SAMM50: variants seen among roughly 807,000 people sequenced by gnomAD.
SAMM50 encodes the protein sorting and assembly machinery component 50 homolog.
SAMM50 carries 47 observed loss-of-function variants against 66.9 expected under a neutral mutation model. That is an observed-to-expected ratio of 0.70 (90% CI 0.56 to 0.90). SAMM50 has a LOEUF of 0.90. SAMM50 is among the 40% of genes least tolerant of loss of function. The pLI, the probability that SAMM50 is intolerant of heterozygous loss-of-function variation, is 0.00. For synonymous variants in SAMM50, 191 were observed against 214.1 expected (o/e 0.89, Z 0.94); for missense variants, 535 against 595.3 (o/e 0.90, Z 1.05).
chr22:43,994,601 G>A (rs2050343040), intron 14 of SAMM50, among the ~76,000 whole-genome samples: 1 of 152,164 alleles, frequency 6.6e-6, no homozygotes, highest in Non-Finnish European at 1.5e-5. Flanking sequence ...AAGACCCTGT[G>A]CCGGCAGTGG....
intron 3 of SAMM50, among the ~76,000 whole-genome samples, chr22:43,966,061 G>A (rs869179830): frequency 6.6e-6 from 1 of 152,120 alleles, no homozygotes; most frequent in Non-Finnish European, 1.5e-5. Context: ...GGCTGATCTG[G>A]AACTCCTGGC....
intron 13 of SAMM50, among the ~76,000 whole-genome samples, chr22:43,989,927 C>T (rs983469933): frequency 1.3e-5 from 2 of 152,168 alleles, no homozygotes; most frequent in Non-Finnish European, 2.9e-5. Context: ...GCCTGGAAAG[C>T]TTCCTAGAAG....
rs1304706209 is a variant in SAMM50, at chr22:43,968,953, G to C, written c.322+135G>C. On this transcript the variant is annotated intron_variant, in intron 4 of 14. Transcript: ENST00000350028. ...TAGAACCTGAAAGTTGATCAAACAG[G>C]TAGTCCTTGAGTTAGCAGTCTCAGG... The C allele has an allele frequency of 9.6e-6, 6 of 626,310 alleles. No homozygotes were observed. The East Asian group carries it at 1.6e-4, about 17-fold the overall frequency. 38.8% of individuals were successfully genotyped at this position (626,310 alleles called of 1,614,324 possible). A position where few individuals can be genotyped will look rare whatever the true frequency, so the allele number is the denominator to read the frequency against.
At chr22:43,975,445 A>G (rs550634385) in intron 7 of SAMM50, 1 of 152,724 alleles carries the variant, frequency 6.5e-6, no homozygotes, top group African/African-American at 2.4e-5. Flanking sequence ...CACTGTTCAG[A>G]AAACATTTCT....
intron 10 of SAMM50, 86 bp downstream of exon 10, chr22:43,978,044 A>C: frequency 1.1e-6 from 1 of 889,032 alleles, no homozygotes; most frequent in Non-Finnish European, 1.8e-6. Context: ...TGAATATCTA[A>C]AGCACAGAGT....
At chr22:43,957,241 C>T (rs538005011) in intron 1 of SAMM50, 3 of 662,576 alleles carry the variant, frequency 4.5e-6, no homozygotes, top group South Asian at 1.8e-5. Flanking sequence ...AAAGGTAACT[C>T]GGGCCCACAG....
At chr22:43,982,071 C>T (rs1023415493) in intron 11 of SAMM50, among the ~76,000 whole-genome samples, 15 of 152,252 alleles carry the variant, frequency 9.9e-5, no homozygotes, top group East Asian at 1.9e-4. Flanking sequence ...CTTGTTGCTT[C>T]GAAATACTAA....
At chr22:43,984,633 A>G (rs1333229635) in intron 12 of SAMM50, among the ~76,000 whole-genome samples, 1 of 139,782 alleles carries the variant, frequency 7.2e-6, no homozygotes, top group Non-Finnish European at 1.5e-5. Context: ...TATTAATATT[A>G]TCATTATTAT....
At chr22:43,995,378 C>A (rs2050347542) in intron 14 of SAMM50, 1 of 152,220 alleles carries the variant, frequency 6.6e-6, no homozygotes. Context: ...AATAAAGGAG[C>A]CATTCTTGCT....
intron 13 of SAMM50, 95 bp downstream of exon 13, chr22:43,989,352 T>G: frequency 1.5e-6 from 2 of 1,347,372 alleles, no homozygotes; most frequent in Non-Finnish European, 2.0e-6. Context: ...TTTTTTTTTT[T>G]TTTGAGATGG....
intron 5 of SAMM50, 111 bp from the exon 6 acceptor site, chr22:43,972,760 A>C: frequency 5.0e-6 from 5 of 994,858 alleles, no homozygotes; most frequent in Non-Finnish European, 7.6e-6. Flanking sequence ...TGTAGTTAGC[A>C]TCTTCCTTCT....
Position 43,996,517 on chromosome 22 carries a change from T to TA in SAMM50, c.*137dup, listed in dbSNP as rs1274417860. 5 of 878,818 alleles carry TA rather than the reference T, an allele frequency of 5.7e-6. No individual in the cohort carries two copies. The highest frequency in any genetic ancestry group is 2.4e-5 in the East Asian group (1 of 41,392). The allele number at this position is 878,818 out of a possible 1,614,324, so 54.4% of individuals were successfully genotyped here. On this transcript the variant is annotated 3_prime_UTR_variant, in exon 15 of 15. Coordinates refer to ENST00000350028, the MANE Select transcript of SAMM50 (RefSeq NM_015380.5). ...TGTGGGAAACCCCGTCAATAAATGT[T>TA]AAAGACACACTCCGAGGCAGCGTGG...
chr22:43,969,330 G>T (rs1273373732), intron 4 of SAMM50, among the ~76,000 whole-genome samples: 1 of 152,194 alleles, frequency 6.6e-6, no homozygotes, highest in African/African-American at 2.4e-5. Context: ...TCTTGTTGCT[G>T]TGTGATACTG....
At chr22:43,992,336 C>T (rs966240648) in intron 14 of SAMM50, among the ~76,000 whole-genome samples, 1 of 152,254 alleles carries the variant, frequency 6.6e-6, no homozygotes, top group African/African-American at 2.4e-5. Flanking sequence ...TCCTTACACT[C>T]TTGCCAGAAG....
At chr22:43,991,275 ATTTTTTT>A (rs938187573) in intron 14 of SAMM50, among the ~76,000 whole-genome samples, 1 of 116,628 alleles carries the variant, frequency 8.6e-6, no homozygotes, top group Non-Finnish European at 1.8e-5. Context: ...CACGCCCGGC[ATTTTTTT>A]TTTTTTTTTT....
intron 11 of SAMM50, 146 bp downstream of exon 11, chr22:43,981,607 C>A (rs2050265156): frequency 1.7e-6 from 1 of 580,456 alleles, no homozygotes; most frequent in Non-Finnish European, 3.0e-6. Context: ...AAGCTAATTT[C>A]TAAATATCGG....
In SAMM50 at chr22:43,973,296, G is replaced by T; in HGVS notation, c.621G>T (p.Thr207=). 6.2e-7 allele frequency: 1 copy of T among 1,605,520 alleles called. No individual in the cohort carries two copies. Among genetic ancestry groups the T allele is most frequent in the Non-Finnish European group, 8.5e-7 (1 of 1,172,240 alleles). ...TCCCTTGGAGCTCACTGCGGGAGAC[G>T]GACAGAGGAATGTCAGCTGAGTACA... is the stretch of plus-strand genomic sequence containing the variant. ...GQFPWSSLRE[T]DRGMSAEYSF... The change falls in exon 7 of 15, where the codon ACG becomes ACT. Residue 207 remains threonine (T), a synonymous_variant. Transcript: ENST00000350028.
chr22:43,958,484 T>TTTTTC (rs2050131273), intron 1 of SAMM50, among the ~76,000 whole-genome samples: 1 of 147,468 alleles, frequency 6.8e-6, no homozygotes, highest in South Asian at 2.2e-4. Context: ...CTCTTTTTTT[T>TTTTTC]TTTTTTTTTT....
rs1281906304 is a variant in SAMM50 at position 43,955,463 on chromosome 22, T to G, written c.-115T>G. 4.9e-6 allele frequency: 6 copies of G among 1,230,774 alleles called. No homozygotes were observed. In the East Asian group the frequency reaches 1.3e-4, roughly 26 times the overall value. 76.2% of individuals were successfully genotyped at this position (1,230,774 alleles called of 1,614,324 possible). A position where few individuals can be genotyped will look rare whatever the true frequency, so the allele number is the denominator to read the frequency against. On this transcript the variant is annotated 5_prime_UTR_variant, in exon 1 of 15. Transcript: ENST00000350028. ...CCCCAGTGTTCCGCGTCCGGGGGTT[T>G]GTGGGAGTTGCCTTGACCTGCAGCT...
Sources: allele counts gnomAD v4.1 joint callset (sites outside exome capture counted in the v4.1 genomes callset), GRCh38; gene constraint gnomAD v4.1.1; transcripts MANE v1.5; gene names NCBI Gene and HGNC (gene_info 2026-07-23, HGNC 2026-07-21).